The following RAB11FIP2 variants were observed in gnomAD, a reference collection of about 807,000 sequenced individuals.
RAB11FIP2 encodes the protein RAB11 family interacting protein 2.
Under a neutral mutation model 40.9 loss-of-function variants are expected in RAB11FIP2, and 16 were observed. That is an observed-to-expected ratio of 0.39 (90% CI 0.26 to 0.59). RAB11FIP2 has a LOEUF of 0.59. Among genes scored for constraint, RAB11FIP2 ranks in the 20% least tolerant of loss-of-function variants. The pLI, the probability that RAB11FIP2 is intolerant of heterozygous loss-of-function variation, is 0.53. For missense variants in RAB11FIP2, 532 were observed against 606.2 expected (o/e 0.88, Z 1.28); for synonymous variants, 228 against 213.7 (o/e 1.07, Z -0.58).
rs1227412623 is a variant in RAB11FIP2 at position 118,046,287 on chromosome 10, C to T, written c.-124G>A. On this transcript the variant is annotated 5_prime_UTR_variant, in exon 1 of 5. Transcript: ENST00000355624. ...ACGGAAACAGGCAGGCTCAGGGCTC[C>T]CCGACTTCCCTATGGCTGATGTCAA... 13 of 849,342 alleles carry T rather than the reference C, an allele frequency of 1.5e-5. No individual in the cohort carries two copies. Among genetic ancestry groups the T allele is most frequent in the Non-Finnish European group, 2.4e-5 (13 of 539,062 alleles). 52.6% of individuals were successfully genotyped at this position (849,342 alleles called of 1,614,324 possible).
In RAB11FIP2 at chr10:118,046,187, A is replaced by C. The variant is rs767124153; in HGVS notation, c.-24T>G. The C allele has an allele frequency of 1.9e-6, 3 of 1,599,216 alleles. No homozygotes were observed. The African/African-American group carries it at 4.0e-5, about 21-fold the overall frequency. On this transcript the variant is annotated 5_prime_UTR_variant, in exon 1 of 5. Coordinates refer to ENST00000355624, the MANE Select transcript of RAB11FIP2 (RefSeq NM_014904.3). ...ATCCTGTCCTGTTTCTCTGCCCCCG[A>C]GTTCCCTAGCACAGGCAGTGCCCCT...
chr10:118,033,855 T>C, intron 3 of RAB11FIP2: 2 of 647,176 alleles, frequency 3.1e-6, no homozygotes, highest in Non-Finnish European at 5.6e-6. Flanking sequence ...AGTGCTCTAA[T>C]AAATATATAT....
At chr10:118,034,184 A>G (rs1846452174) in intron 3 of RAB11FIP2, 1 of 631,810 alleles carries the variant, frequency 1.6e-6, no homozygotes, top group African/African-American at 1.8e-5. Flanking sequence ...GCAGCAAGCC[A>G]GATTTGGCCT....
chr10:118,012,182 T>C (rs1448741569), intron 4 of RAB11FIP2, among the ~76,000 whole-genome samples: 1 of 152,014 alleles, frequency 6.6e-6, no homozygotes, highest in Non-Finnish European at 1.5e-5. Context: ...TCATACTTTA[T>C]AGCCATACTC....
chr10:118,036,391 C>T (rs937605925), intron 3 of RAB11FIP2, among the ~76,000 whole-genome samples: 8 of 152,000 alleles, frequency 5.3e-5, no homozygotes, highest in East Asian at 1.9e-4. Context: ...AAAGTGCATT[C>T]GGTTAGGATG....
intron 1 of RAB11FIP2, among the ~76,000 whole-genome samples, chr10:118,044,882 G>A (rs1162560055): frequency 3.3e-5 from 5 of 152,092 alleles, no homozygotes; most frequent in African/African-American, 4.8e-5. Flanking sequence ...AGTTCAACCA[G>A]TATTTTTCTC....
rs572406125 is a variant in RAB11FIP2 at position 118,007,142 on chromosome 10, G to T, written c.*1856C>A. ...AATGCTGAGAATTTTGTAACATTTA[G>T]TTAATTAAAAGTGGCACCATGTTTA... On this transcript the variant is annotated 3_prime_UTR_variant, in exon 5 of 5. Coordinates refer to ENST00000355624, the MANE Select transcript of RAB11FIP2 (RefSeq NM_014904.3). 6.8e-6 allele frequency: 1 copy of T among 147,316 alleles called. No individual in the cohort carries two copies. The highest frequency in any genetic ancestry group is 6.8e-5 in the Admixed American group (1 of 14,662). The allele number at this position is 147,316 out of a possible 1,614,324, so 9.1% of individuals were successfully genotyped here.
Position 118,040,142 on chromosome 10 carries a change from A to G in RAB11FIP2, c.777T>C (p.Phe259=). 6.2e-7 allele frequency: 1 copy of G among 1,613,608 alleles called. No homozygotes were observed. The highest frequency in any genetic ancestry group is 2.2e-5 in the East Asian group (1 of 44,878). ...ACTTACCACTTTCTGGAACTGTTCC[A>G]AAGGAATCTAACTGGTGTCCGAGAA... The part of the protein sequence containing the change: ...THLLGHQLDS[F]GTVPESGSLK... Residue 259 remains phenylalanine (F), a synonymous_variant, in exon 2 of 5, where the codon TTT becomes TTC. Transcript: ENST00000355624.
At position 118,030,747 on chromosome 10, in the gene RAB11FIP2, G is replaced by A. The variant is rs187183554; in HGVS notation, c.1265+8225C>T. ...TCTTTTTTGTTACAGAGCTTTTTTTGTTTTCAATTTTGAAGACTCTAAATA... is the reference window on the plus strand; with the variant it reads ...TCTTTTTTGTTACAGAGCTTTTTTTATTTTCAATTTTGAAGACTCTAAATA... On this transcript the variant is annotated intron_variant, in intron 3 of 4. Coordinates refer to ENST00000355624, the MANE Select transcript of RAB11FIP2 (RefSeq NM_014904.3). 2.0e-5 allele frequency among the ~76,000 whole-genome samples: 3 copies of A among 149,224 alleles called. No homozygotes were observed. The East Asian group carries it at 5.8e-4, about 29-fold the overall frequency.
At chr10:118,038,921 TCAAGTA>T (rs773780175) in intron 3 of RAB11FIP2, 45 bp downstream of exon 3, 1 of 1,233,730 alleles carries the variant, frequency 8.1e-7, no homozygotes, top group Non-Finnish European at 1.1e-6. Context: ...TTTGATACCT[TCAAGTA>T]CAAGATTTTC....
chr10:118,014,975 G>T, intron 4 of RAB11FIP2, 90 bp downstream of exon 4: 1 of 1,095,388 alleles, frequency 9.1e-7, no homozygotes, highest in Non-Finnish European at 1.3e-6. Context: ...GAGGCAGAAG[G>T]CAAGAAGACA....
At chr10:118,040,605 A>C in intron 1 of RAB11FIP2, 40 bp from the exon 2 acceptor site, 1 of 1,402,288 alleles carries the variant, frequency 7.1e-7, no homozygotes, top group South Asian at 1.4e-5. Flanking sequence ...AACACATAAT[A>C]GAGAGAGGAT....
chr10:118,025,390 C>T (rs937547506), intron 3 of RAB11FIP2, among the ~76,000 whole-genome samples: 14 of 152,198 alleles, frequency 9.2e-5, no homozygotes, highest in African/African-American at 3.1e-4. Flanking sequence ...ATTTCTTATG[C>T]CACAATAATT....
intron 3 of RAB11FIP2, among the ~76,000 whole-genome samples, chr10:118,033,306 G>A (rs1193844822): frequency 1.3e-5 from 2 of 152,024 alleles, no homozygotes. Flanking sequence ...CCAACAAATT[G>A]TAGCTAAAAA....
intron 1 of RAB11FIP2, chr10:118,045,171 G>C (rs894254720): frequency 7.9e-5 from 12 of 152,118 alleles, no homozygotes; most frequent in African/African-American, 2.9e-4. Context: ...AATCAATTCT[G>C]AATACAATAA....
At position 118,046,364 on chromosome 10, in the gene RAB11FIP2, C is replaced by T; in HGVS notation, c.-201G>A. On this transcript the variant is annotated 5_prime_UTR_variant, in exon 1 of 5. Coordinates refer to ENST00000355624, the MANE Select transcript of RAB11FIP2 (RefSeq NM_014904.3). ...CACGGCCGCTCCGGGGGTCCCCTTT[C>T]GTCTGGAGAAACACAGAGGCCCACC... is the stretch of plus-strand genomic sequence containing the variant. 3.4e-6 allele frequency: 2 copies of T among 582,948 alleles called. No homozygotes were observed. Among genetic ancestry groups the T allele is most frequent in the Non-Finnish European group, 6.1e-6 (2 of 329,628 alleles). The allele number at this position is 582,948 out of a possible 1,614,324, so 36.1% of individuals were successfully genotyped here.
chr10:118,044,411 G>C (rs1389561571), intron 1 of RAB11FIP2, among the ~76,000 whole-genome samples: 1 of 152,076 alleles, frequency 6.6e-6, no homozygotes, highest in Non-Finnish European at 1.5e-5. Flanking sequence ...AGATTATTTG[G>C]TAATTATCCA....
rs143233640 is a variant in RAB11FIP2, at chr10:118,030,588, G to T, written c.1265+8384C>A. ...TTTCTTTTAGCACCTGTCAAGTGCT[G>T]TAAATTGAGAAATTTTCACATCAGT... On this transcript the variant is annotated intron_variant, in intron 3 of 4. Transcript: ENST00000355624. 1.4e-3 allele frequency among the ~76,000 whole-genome samples: 217 copies of T among 152,014 alleles called. 1 individual carries two copies. Among genetic ancestry groups the T allele is most frequent in the Non-Finnish European group, 2.7e-3 (183 of 67,972 alleles).
chr10:118,026,746 T>G (rs1276772930), intron 3 of RAB11FIP2, among the ~76,000 whole-genome samples: 4 of 152,226 alleles, frequency 2.6e-5, no homozygotes, highest in Non-Finnish European at 5.9e-5. Context: ...TATGAAAGAA[T>G]TTCTGAACAT....
Sources: allele counts gnomAD v4.1 joint callset (sites outside exome capture counted in the v4.1 genomes callset), GRCh38; gene constraint gnomAD v4.1.1; transcripts MANE v1.5; gene names NCBI Gene and HGNC (gene_info 2026-07-23, HGNC 2026-07-21).